ZDHHC17: variants seen among roughly 807,000 people sequenced by gnomAD.
ZDHHC17 encodes palmitoyltransferase ZDHHC17.
Under a neutral mutation model 90.3 loss-of-function variants are expected in ZDHHC17, and 40 were observed. That is an observed-to-expected ratio of 0.44 (90% CI 0.34 to 0.58). The LOEUF (loss-of-function observed/expected upper bound fraction) is 0.58, where lower values mean the gene tolerates loss of function less well. Ranked by LOEUF, ZDHHC17 falls within the 20% of genes least tolerant of loss-of-function variation. The probability of loss-of-function intolerance (pLI) is 0.01; values close to 1 mark genes in which losing one functional copy is unlikely to be tolerated. For synonymous variants in ZDHHC17, 235 were observed against 252.4 expected, an observed-to-expected ratio of 0.93 and a Z score of 0.65; for missense variants, 614 against 780.8, an observed-to-expected ratio of 0.79 and a Z score of 2.55.
intron 7 of ZDHHC17, among the ~76,000 whole-genome samples, chr12:76,819,947 C>G (rs903521235): frequency 6.8e-6 from 1 of 146,496 alleles, no homozygotes; most frequent in African/African-American, 2.5e-5. Flanking sequence ...GAGCCAAGAT[C>G]GTGCCATTGC....
chr12:76,807,227 G>T (rs1275475147), intron 3 of ZDHHC17, among the ~76,000 whole-genome samples: 1 of 152,198 alleles, frequency 6.6e-6, no homozygotes, highest in Non-Finnish European at 1.5e-5. Context: ...TCAGCTGCGT[G>T]ATTGCTTCCA....
chr12:76,841,911 A>G (rs1953440157), intron 10 of ZDHHC17, 71 bp from the exon 11 acceptor site: 2 of 1,183,936 alleles, frequency 1.7e-6, no homozygotes, highest in Non-Finnish European at 2.2e-6. Context: ...GTAAAATTTT[A>G]TAGATTATAA....
At chr12:76,847,307 A>G (rs1953506129) in intron 14 of ZDHHC17, among the ~76,000 whole-genome samples, 2 of 152,220 alleles carry the variant, frequency 1.3e-5, no homozygotes, top group African/African-American at 2.4e-5. Flanking sequence ...AAGATGTATT[A>G]GATCCTCGTT....
At chr12:76,796,583 G>T (rs17813667) in intron 1 of ZDHHC17, among the ~76,000 whole-genome samples, 21,275 of 152,080 alleles carry the variant, frequency 0.14, 1,914 homozygotes, top group Non-Finnish European at 0.2. Context: ...TATTCAAGCA[G>T]ATTTACCTTT....
intron 7 of ZDHHC17, among the ~76,000 whole-genome samples, chr12:76,819,297 T>G (rs1183681385): frequency 6.6e-6 from 1 of 152,206 alleles, no homozygotes; most frequent in Non-Finnish European, 1.5e-5. Context: ...CTGCCAATTT[T>G]GAAAAGGAAA....
At chr12:76,770,124 G>A (rs191619889) in intron 1 of ZDHHC17, among the ~76,000 whole-genome samples, 1 of 152,190 alleles carries the variant, frequency 6.6e-6, no homozygotes, top group Non-Finnish European at 1.5e-5. Flanking sequence ...CCTACTTTAT[G>A]AGGCTGTTGT....
chr12:76,787,024 A>C (rs1218334345), intron 1 of ZDHHC17, among the ~76,000 whole-genome samples: 2 of 152,214 alleles, frequency 1.3e-5, no homozygotes, highest in Non-Finnish European at 2.9e-5. Flanking sequence ...CATTTAGATA[A>C]TTTACATGTG....
chr12:76,790,581 TTACAAA>T (rs1952749343), intron 1 of ZDHHC17, among the ~76,000 whole-genome samples: 1 of 152,222 alleles, frequency 6.6e-6, no homozygotes, highest in African/African-American at 2.4e-5. Flanking sequence ...ACATATATTG[TTACAAA>T]TACATGTATA....
rs1382562866 is a variant in ZDHHC17, at chr12:76,853,292, C to G, written c.*2307C>G. ...CATCTGTTTAATTATTTTGTAGGTCCTGTGTGTGGAACCAACTATAAACCC... is the reference window on the plus strand; with the variant it reads ...CATCTGTTTAATTATTTTGTAGGTCGTGTGTGTGGAACCAACTATAAACCC... On this transcript the variant is annotated 3_prime_UTR_variant, in exon 17 of 17. Coordinates refer to ENST00000426126, the MANE Select transcript of ZDHHC17 (RefSeq NM_015336.4). The G allele has an allele frequency of 6.6e-6, 1 of 152,448 alleles. No homozygotes were observed. The highest frequency in any genetic ancestry group is 1.5e-5 in the Non-Finnish European group (1 of 67,980). The allele number at this position is 152,448 out of a possible 1,614,324, so 9.4% of individuals were successfully genotyped here.
intron 8 of ZDHHC17, among the ~76,000 whole-genome samples, chr12:76,825,248 T>G (rs1167644471): frequency 6.6e-6 from 1 of 152,224 alleles, no homozygotes; most frequent in Admixed American, 6.5e-5. Flanking sequence ...AGGATCTGTC[T>G]GTATTATTTA....
chr12:76,850,050 G>A lies in ZDHHC17; in HGVS notation c.1760+580G>A, dbSNP rs548518738. Among the ~76,000 whole-genome samples, 26 of 152,262 alleles carry A rather than the reference G, an allele frequency of 1.7e-4. 1 individual carries two copies. The South Asian group carries it at 5.0e-3, about 29-fold the overall frequency. On this transcript the variant is annotated intron_variant, in intron 16 of 16. Transcript: ENST00000426126. ...CTTCTCTGCCTCAGCCTCCTGAGTA[G>A]CTGGGATTACAGGCATGCACCACGC... is the stretch of plus-strand genomic sequence containing the variant.
chr12:76,848,078 G>A (rs1331857436), intron 14 of ZDHHC17, among the ~76,000 whole-genome samples, 155 bp from the exon 15 acceptor site: 1 of 152,022 alleles, frequency 6.6e-6, no homozygotes, highest in Non-Finnish European at 1.5e-5. Context: ...AGATATAATA[G>A]GGTTATTTAA....
At chr12:76,823,108 C>T (rs1953185847) in intron 8 of ZDHHC17, among the ~76,000 whole-genome samples, 2 of 152,164 alleles carry the variant, frequency 1.3e-5, no homozygotes, top group African/African-American at 2.4e-5. Context: ...ATCGGCTACT[C>T]GTGTACATTT....
chr12:76,770,373 G>A (rs574234701), intron 1 of ZDHHC17, among the ~76,000 whole-genome samples: 10 of 152,246 alleles, frequency 6.6e-5, no homozygotes, highest in South Asian at 4.2e-4. Context: ...TTTTAAAGAC[G>A]TGTGCTTTGC....
At chr12:76,785,065 A>G (rs538001006) in intron 1 of ZDHHC17, among the ~76,000 whole-genome samples, 1 of 152,286 alleles carries the variant, frequency 6.6e-6, no homozygotes, top group South Asian at 2.1e-4. Context: ...TCTCTCATCA[A>G]ACAAGGACAG....
chr12:76,809,855 CAGG>C lies in ZDHHC17; in HGVS notation c.542_543+1del. ...TGTTGCTTATCTCATAGCAAAAGGA[CAGG>C]TAAAAAAAATCTCAGTGGTATGGAT... On this transcript the variant is annotated splice_donor_variant and coding_sequence_variant, in exon 5 of 17. Transcript: ENST00000426126. LOFTEE classifies it high-confidence loss of function. The C allele has an allele frequency of 6.2e-7, 1 of 1,608,836 alleles. No homozygotes were observed. Among genetic ancestry groups the C allele is most frequent in the Non-Finnish European group, 8.5e-7 (1 of 1,177,388 alleles).
rs138746772 is a variant in ZDHHC17 at position 76,769,362 on chromosome 12, G to T, written c.93+5033G>T. Among the ~76,000 whole-genome samples, 882 of 152,152 alleles carry T rather than the reference G, an allele frequency of 5.8e-3. 10 individuals are homozygous for T. The highest frequency in any genetic ancestry group is 0.021 in the African/African-American group (858 of 41,532). Reference sequence around the variant, plus strand: ...GGCATGAGCCACCATGCTCGGCCATGAAGCTGTTCTTTAGTGAAAAGAATT... The same window carrying T: ...GGCATGAGCCACCATGCTCGGCCATTAAGCTGTTCTTTAGTGAAAAGAATT... On this transcript the variant is annotated intron_variant, in intron 1 of 16. Transcript: ENST00000426126.
chr12:76,793,726 A>T (rs1246160687), intron 1 of ZDHHC17, among the ~76,000 whole-genome samples: 1 of 152,054 alleles, frequency 6.6e-6, no homozygotes, highest in Non-Finnish European at 1.5e-5. Context: ...TCAGTCGTGG[A>T]TTTTTTTCTA....
At chr12:76,846,169 T>G (rs1464856542) in intron 13 of ZDHHC17, 1 of 231,510 alleles carries the variant, frequency 4.3e-6, no homozygotes, top group Non-Finnish European at 8.4e-6. Flanking sequence ...AATGGTATAG[T>G]CTAAGGAGAG....
Sources: gnomAD v4.1 joint callset for allele counts (sites outside exome capture counted in the v4.1 genomes callset) on GRCh38, gnomAD v4.1.1 for gene constraint, MANE v1.5 for transcripts, NCBI Gene and HGNC (gene_info 2026-07-23, HGNC 2026-07-21) for gene names.